CD99L2: variants seen among roughly 807,000 people sequenced by gnomAD.
CD99L2 encodes the protein CD99 molecule like 2.
A neutral mutation model predicts 27.3 loss-of-function variants in CD99L2; 24 were observed. The observed-to-expected ratio is 0.88, with a 90% CI of 0.64 to 1.24. The LOEUF is 1.24. CD99L2 is among the 50% of genes most tolerant of loss of function. CD99L2 has a pLI of 0.00. For missense variants in CD99L2, 255 were observed against 221.6 expected (o/e 1.15, Z -0.96); for synonymous variants, 97 against 87.9 (o/e 1.10, Z -0.58).
chrX:150,816,177 C>T, intron 2 of CD99L2, 99 bp from the exon 3 acceptor site: 2 of 832,626 alleles, frequency 2.4e-6, no homozygotes, highest in Non-Finnish European at 3.6e-6. Context: ...GTAGAATATC[C>T]TTGTCTTGGT....
intron 1 of CD99L2, among the ~76,000 whole-genome samples, chrX:150,861,822 C>T (rs2046982326): frequency 9.2e-6 from 1 of 109,207 alleles, no homozygotes; most frequent in South Asian, 4.0e-4. Context: ...AGGAGAATAG[C>T]TTGAACCTGG....
intron 1 of CD99L2, among the ~76,000 whole-genome samples, chrX:150,881,419 CA>C (rs1225489539): frequency 8.9e-6 from 1 of 112,081 alleles, no homozygotes; most frequent in Non-Finnish European, 1.9e-5. Flanking sequence ...CCAGAGCCAG[CA>C]ATACCTGTCA....
chrX:150,778,125 G>C (rs955111740), intron 7 of CD99L2, among the ~76,000 whole-genome samples: 1 of 110,617 alleles, frequency 9.0e-6, no homozygotes, highest in Non-Finnish European at 1.9e-5. Flanking sequence ...ATTGACTATG[G>C]TGGTGGTCAC....
At chrX:150,894,598 T>C (rs782076820) in intron 1 of CD99L2, among the ~76,000 whole-genome samples, 51 of 110,216 alleles carry the variant, frequency 4.6e-4, no homozygotes, top group Admixed American at 2.0e-3. Context: ...TGTGTGTGTG[T>C]GTGTTTTAAG....
chrX:150,769,646 A>G (rs2043381585), intron 10 of CD99L2, among the ~76,000 whole-genome samples: 1 of 108,576 alleles, frequency 9.2e-6, no homozygotes, highest in South Asian at 3.8e-4. Context: ...TCCACTGGCA[A>G]CACTCGCCTG....
intron 1 of CD99L2, among the ~76,000 whole-genome samples, chrX:150,867,825 G>A (rs1332061268): frequency 3.7e-4 from 37 of 100,974 alleles, no homozygotes; most frequent in Non-Finnish European, 7.2e-4. Context: ...CCCGGGAGGT[G>A]GAGGTTGTAG....
chrX:150,821,897 T>C (rs782417727), intron 2 of CD99L2, among the ~76,000 whole-genome samples: 2 of 111,848 alleles, frequency 1.8e-5, no homozygotes, highest in South Asian at 3.8e-4. Flanking sequence ...TGCAGATAAA[T>C]TGGAACCCTC....
intron 1 of CD99L2, among the ~76,000 whole-genome samples, chrX:150,865,307 G>A (rs782214467): frequency 9.1e-6 from 1 of 110,164 alleles, no homozygotes; most frequent in Non-Finnish European, 1.9e-5. Context: ...AGACCGGCCT[G>A]GGCAACATAG....
intron 1 of CD99L2, among the ~76,000 whole-genome samples, chrX:150,897,236 C>A (rs538986356): frequency 8.9e-6 from 1 of 112,296 alleles, no homozygotes; most frequent in Admixed American, 9.4e-5. Context: ...CTCCATAGCA[C>A]TGACAATATA....
intron 8 of CD99L2, chrX:150,777,033 C>T: frequency 5.4e-6 from 1 of 184,006 alleles, no homozygotes; most frequent in Non-Finnish European, 9.9e-6. Context: ...AGTCCTTGAT[C>T]AGCCTTTCAC....
In CD99L2 at chrX:150,854,721, G is replaced by GA. The variant is rs200260788; in HGVS notation, c.68-23429dup. On this transcript the variant is annotated intron_variant, in intron 1 of 10. Coordinates refer to ENST00000370377, the MANE Select transcript of CD99L2 (RefSeq NM_031462.4). Reference sequence around the variant, plus strand: ...AAGCTCAGAAGAGCGGCCTGGAACAGATTCTGTCTCACAACCCTCAGAAGG... The same window carrying GA: ...AAGCTCAGAAGAGCGGCCTGGAACAGAATTCTGTCTCACAACCCTCAGAAGG... Among the ~76,000 whole-genome samples, 8 of 111,184 alleles carry GA rather than the reference G, an allele frequency of 7.2e-5. No homozygotes were observed. In the East Asian group the frequency reaches 2.0e-3, roughly 27 times the overall value.
chrX:150,878,183 C>T (rs1295163753), intron 1 of CD99L2, among the ~76,000 whole-genome samples: 2 of 109,844 alleles, frequency 1.8e-5, no homozygotes, highest in African/African-American at 6.6e-5. Flanking sequence ...ACTAAAAATA[C>T]AAAAATTAGC....
chrX:150,795,555 C>T, intron 4 of CD99L2, 69 bp from the exon 5 acceptor site: 1 of 1,032,523 alleles, frequency 9.7e-7, no homozygotes, highest in Non-Finnish European at 1.4e-6. Flanking sequence ...ATTCATGGCT[C>T]AGGGAAGTCA....
Position 150,773,543 on chromosome X carries a change from G to C in CD99L2, c.655+2631C>G, listed in dbSNP as rs191558373. On this transcript the variant is annotated intron_variant, in intron 9 of 10. Coordinates refer to ENST00000370377, the MANE Select transcript of CD99L2 (RefSeq NM_031462.4). The stretch of plus-strand genomic sequence containing the variant: ...TGTGGACTGTCGCATCTCACCATTA[G>C]GCTGACGATGCTATAGTGAAGAATG... 3.2e-3 allele frequency among the ~76,000 whole-genome samples: 359 copies of C among 112,707 alleles called. 3 individuals are homozygous for C. Among genetic ancestry groups the C allele is most frequent in the African/African-American group, 0.011 (342 of 31,048 alleles).
At chrX:150,879,749 C>CAAAAAA (rs2047292433) in intron 1 of CD99L2, among the ~76,000 whole-genome samples, 1 of 11,252 alleles carries the variant, frequency 8.9e-5, no homozygotes, top group African/African-American at 4.7e-4. Flanking sequence ...TCTACAAAAA[C>CAAAAAA]TAAAAAAAAA....
chrX:150,796,570 C>T (rs1175688361), intron 4 of CD99L2, among the ~76,000 whole-genome samples: 4 of 112,251 alleles, frequency 3.6e-5, no homozygotes, highest in African/African-American at 1.3e-4. Flanking sequence ...TTCAACACTC[C>T]ACTCTCAGCA....
At chrX:150,772,989 C>T (rs2043488035) in intron 9 of CD99L2, among the ~76,000 whole-genome samples, 1 of 112,612 alleles carries the variant, frequency 8.9e-6, no homozygotes, top group Non-Finnish European at 1.9e-5. Context: ...TTCGCAAAAC[C>T]TCACACTGGC....
Position 150,870,104 on chromosome X carries a change from G to A in CD99L2, c.67+28418C>T, listed in dbSNP as rs191296327. Among the ~76,000 whole-genome samples, 44 of 111,844 alleles carry A rather than the reference G, an allele frequency of 3.9e-4. No homozygotes were observed. The East Asian group carries it at 9.3e-3, about 24-fold the overall frequency. ...AAGAACAGCCTGCCAGGAAACATAC[G>A]AATAAAGCTTTAAGATCAAAATTTG... On this transcript the variant is annotated intron_variant, in intron 1 of 10. Coordinates refer to ENST00000370377, the MANE Select transcript of CD99L2 (RefSeq NM_031462.4).
chrX:150,869,042 A>G (rs2047114953), intron 1 of CD99L2, among the ~76,000 whole-genome samples: 1 of 112,250 alleles, frequency 8.9e-6, no homozygotes, highest in Admixed American at 9.4e-5. Context: ...TTCCTGGATA[A>G]TAAGTTTAGT....
Sources: gnomAD v4.1 joint callset for allele counts (sites outside exome capture counted in the v4.1 genomes callset) on GRCh38, gnomAD v4.1.1 for gene constraint, MANE v1.5 for transcripts, NCBI Gene and HGNC (gene_info 2026-07-23, HGNC 2026-07-21) for gene names.